The following GLIS3 variants were observed in gnomAD, a reference collection of about 807,000 sequenced individuals.
The protein encoded by GLIS3 is GLIS family zinc finger 3.
A neutral mutation model predicts 78.6 loss-of-function variants in GLIS3; 53 were observed. The observed-to-expected ratio is 0.67, with a 90% CI of 0.54 to 0.85. The LOEUF is 0.85. Among genes scored for constraint, GLIS3 ranks in the 40% least tolerant of loss-of-function variants. The pLI, the probability that GLIS3 is intolerant of heterozygous loss-of-function variation, is 0.00. For missense variants in GLIS3, 1,703 were observed against 1,231.1 expected (o/e 1.38, Z -5.74); for synonymous variants, 684 against 509.9 (o/e 1.34, Z -4.60).
chr9:3,968,393 CA>C (rs1818121105), intron 4 of GLIS3, among the ~76,000 whole-genome samples: 1 of 152,062 alleles, frequency 6.6e-6, no homozygotes, highest in Admixed American at 6.5e-5. Flanking sequence ...ATCAGTTAAG[CA>C]ACAAACAAAA....
At chr9:4,094,435 T>C (rs966197826) in intron 4 of GLIS3, among the ~76,000 whole-genome samples, 1 of 152,220 alleles carries the variant, frequency 6.6e-6, no homozygotes, top group East Asian at 1.9e-4. Context: ...TACTAGTTGC[T>C]ATTTTTAGAG....
chr9:4,395,379 C>G, the GLIS3 span, among the ~76,000 whole-genome samples: 1 of 152,096 alleles, frequency 6.6e-6, no homozygotes, highest in Non-Finnish European at 1.5e-5. Context: ...TCATTTATTA[C>G]AGTGTTTTAG....
chr9:4,198,397 G>T (rs2064981), intron 2 of GLIS3, among the ~76,000 whole-genome samples: 2 of 151,986 alleles, frequency 1.3e-5, no homozygotes, highest in African/African-American at 2.4e-5. Context: ...ACTCACTTAA[G>T]GAATTACAAA....
At chr9:4,014,915 C>G (rs1041134190) in intron 4 of GLIS3, among the ~76,000 whole-genome samples, 5 of 152,322 alleles carry the variant, frequency 3.3e-5, no homozygotes, top group Admixed American at 6.5e-5. Flanking sequence ...ATTCACTGAG[C>G]TCTTTCTGAG....
chr9:3,947,319 G>C, intron 4 of GLIS3, among the ~76,000 whole-genome samples: 1 of 152,204 alleles, frequency 6.6e-6, no homozygotes, highest in East Asian at 1.9e-4. Flanking sequence ...TTCCCAAAAC[G>C]ATTGCTGAAT....
intron 7 of GLIS3, among the ~76,000 whole-genome samples, chr9:3,896,311 A>T (rs117406816): frequency 0.031 from 4,747 of 152,184 alleles, 111 homozygotes; most frequent in Middle Eastern, 0.058. Flanking sequence ...AAGGCGTAAC[A>T]TTTTTTTAAA....
chr9:3,904,549 A>G (rs1823532249), intron 6 of GLIS3, among the ~76,000 whole-genome samples: 1 of 152,164 alleles, frequency 6.6e-6, no homozygotes, highest in South Asian at 2.1e-4. Context: ...TACAGATACT[A>G]TTACAATGTG....
chr9:3,828,038 A>G lies in GLIS3; in HGVS notation c.*234T>C, dbSNP rs1817818175. The G allele has an allele frequency of 8.9e-6, 5 of 562,766 alleles. No individual in the cohort carries two copies. In the East Asian group the frequency reaches 1.6e-4, roughly 17 times the overall value. 34.9% of individuals were successfully genotyped at this position (562,766 alleles called of 1,614,324 possible). On this transcript the variant is annotated 3_prime_UTR_variant, in exon 11 of 11. Coordinates refer to ENST00000381971, the MANE Select transcript of GLIS3 (RefSeq NM_001042413.2). ...GAGGCTCTAAATTCCCTTTGAAAAG[A>G]CAGTCCTCCTGGTCACATAGTCCAG...
chr9:4,398,234 T>C, the GLIS3 span, among the ~76,000 whole-genome samples: 1 of 151,932 alleles, frequency 6.6e-6, no homozygotes, highest in African/African-American at 2.4e-5. Flanking sequence ...TTTAATATCA[T>C]TACACAATAA....
the GLIS3 span, among the ~76,000 whole-genome samples, chr9:4,423,157 T>A: frequency 6.6e-6 from 1 of 152,072 alleles, no homozygotes; most frequent in Non-Finnish European, 1.5e-5. Flanking sequence ...CCCAGCCCAG[T>A]TCATCACCAT....
chr9:4,340,208 C>G (rs1298843506), intron 2 of GLIS3, among the ~76,000 whole-genome samples: 2 of 149,774 alleles, frequency 1.3e-5, no homozygotes, highest in African/African-American at 4.9e-5. Context: ...CACAGGGGAA[C>G]AGAGTTAGTA....
At chr9:4,386,456 G>A in the GLIS3 span, 1 of 151,882 alleles carries the variant, frequency 6.6e-6, no homozygotes, top group Admixed American at 6.6e-5. Context: ...CTTGTGCAAG[G>A]AGCATGTTAA....
chr9:4,012,753 T>C lies in GLIS3; in HGVS notation c.1711-75564A>G, dbSNP rs181935357. Among the ~76,000 whole-genome samples, 26 of 147,310 alleles carry C rather than the reference T, an allele frequency of 1.8e-4. 1 individual carries two copies. Among genetic ancestry groups the C allele is most frequent in the African/African-American group, 6.6e-4 (26 of 39,166 alleles). On this transcript the variant is annotated intron_variant, in intron 4 of 10. Transcript: ENST00000381971. Reference sequence around the variant, plus strand: ...GATCTTCACATATCTCTGGTTTCTTTTTTTTCTTTTTCTTTTTTTTTTTTT... The same window carrying C: ...GATCTTCACATATCTCTGGTTTCTTCTTTTTCTTTTTCTTTTTTTTTTTTT...
At chr9:4,392,586 C>G in the GLIS3 span, among the ~76,000 whole-genome samples, 1 of 152,042 alleles carries the variant, frequency 6.6e-6, no homozygotes, top group Non-Finnish European at 1.5e-5. Context: ...GTGACAGTTC[C>G]AGCTTTTTCT....
At chr9:4,039,196 G>C (rs2380932) in intron 4 of GLIS3, among the ~76,000 whole-genome samples, 20,666 of 152,146 alleles carry the variant, frequency 0.14, 1,906 homozygotes, top group East Asian at 0.44. Context: ...AGGGCACCTG[G>C]TTATTCTCTG....
At chr9:4,099,658 T>G (rs1830219687) in intron 4 of GLIS3, among the ~76,000 whole-genome samples, 1 of 152,170 alleles carries the variant, frequency 6.6e-6, no homozygotes, top group African/African-American at 2.4e-5. Flanking sequence ...CATAACAAAG[T>G]CCTGCTCCAA....
upstream of GLIS3, among the ~76,000 whole-genome samples, chr9:4,303,414 A>G (rs16921088): frequency 0.036 from 5,488 of 152,252 alleles, 319 homozygotes; most frequent in African/African-American, 0.12. Flanking sequence ...TAGTACAAAT[A>G]GTGGAATGCA....
the GLIS3 span, among the ~76,000 whole-genome samples, chr9:4,458,465 G>A: frequency 3.7e-4 from 57 of 152,298 alleles, no homozygotes; most frequent in African/African-American, 1.3e-3. Context: ...TGATGGTGAT[G>A]GTGGTGGAAG....
chr9:4,217,729 G>C (rs1253184879), intron 2 of GLIS3, among the ~76,000 whole-genome samples: 1 of 152,206 alleles, frequency 6.6e-6, no homozygotes, highest in Non-Finnish European at 1.5e-5. Context: ...CTCTTAATAA[G>C]TAAGCCGTGA....
Sources: allele counts gnomAD v4.1 joint callset (sites outside exome capture counted in the v4.1 genomes callset), GRCh38; gene constraint gnomAD v4.1.1; transcripts MANE v1.5; gene names NCBI Gene and HGNC (gene_info 2026-07-23, HGNC 2026-07-21).